Variants in MTM1 observed in about 807,000 individuals in gnomAD.
The protein encoded by MTM1 is myotubularin.
In MTM1, 9 loss-of-function variants were observed where a neutral mutation model predicts 52.1. That is an observed-to-expected ratio of 0.17 (90% CI 0.10 to 0.30). The LOEUF (loss-of-function observed/expected upper bound fraction) is 0.30. MTM1 is among the 10% of genes least tolerant of loss of function. MTM1 has a pLI of 1.00. For missense variants in MTM1, 277 were observed against 470.7 expected, an observed-to-expected ratio of 0.59 and a Z score of 3.81; for synonymous variants, 136 against 163.8, an observed-to-expected ratio of 0.83 and a Z score of 1.29.
intron 6 of MTM1, among the ~76,000 whole-genome samples, chrX:150,620,841 G>T (rs1391305816): frequency 9.0e-6 from 1 of 111,258 alleles, no homozygotes; most frequent in Non-Finnish European, 1.9e-5. Flanking sequence ...AGCTCATCTG[G>T]CGCAGTGGCT....
chrX:150,669,988 G>C (rs1466358985), intron 14 of MTM1, among the ~76,000 whole-genome samples: 1 of 111,804 alleles, frequency 8.9e-6, no homozygotes, highest in African/African-American at 3.3e-5. Context: ...TTTTCTTCTA[G>C]GGTTTTCATG....
At chrX:150,653,199 A>G (rs1237188531) in intron 10 of MTM1, among the ~76,000 whole-genome samples, 1 of 111,616 alleles carries the variant, frequency 9.0e-6, no homozygotes, top group Non-Finnish European at 1.9e-5. Flanking sequence ...CATCATAGCA[A>G]TTCAGACAGT....
At chrX:150,625,127 A>G (rs2039545535) in intron 6 of MTM1, among the ~76,000 whole-genome samples, 1 of 111,568 alleles carries the variant, frequency 9.0e-6, no homozygotes, top group Admixed American at 9.5e-5. Flanking sequence ...CCAGTGGTCT[A>G]TGTCTGAATC....
chrX:150,588,865 A>G (rs1251106456), intron 1 of MTM1, among the ~76,000 whole-genome samples: 7 of 111,847 alleles, frequency 6.3e-5, no homozygotes, highest in Non-Finnish European at 1.3e-4. Flanking sequence ...TTGTCGTACC[A>G]TTTCAAACAT....
In MTM1 at chrX:150,614,458, A is replaced by AT. The variant is rs782737310; in HGVS notation, c.232-126dup. 16 of 489,980 alleles carry AT rather than the reference A, an allele frequency of 3.3e-5. No individual in the cohort carries two copies. In the South Asian group the frequency reaches 4.1e-4, roughly 13 times the overall value. The allele number at this position is 489,980 out of a possible 1,213,427, so 40.4% of individuals were successfully genotyped here. On this transcript the variant is annotated intron_variant, in intron 4 of 14. Transcript: ENST00000370396. Reference sequence around the variant, plus strand: ...CTCTGTCATGTGTGATCTGTATCATATTTTTGTTCATAAAGTGCTAAAAGG... The same window carrying AT: ...CTCTGTCATGTGTGATCTGTATCATATTTTTTGTTCATAAAGTGCTAAAAGG...
At chrX:150,649,621 G>T (rs1026004692) in intron 9 of MTM1, 95 bp from the exon 10 acceptor site, 2 of 779,074 alleles carry the variant, frequency 2.6e-6, no homozygotes, top group Admixed American at 4.5e-5. Flanking sequence ...GAGGGTTTGG[G>T]GTTATTTGGA....
At chrX:150,624,712 C>T (rs1311165695) in intron 6 of MTM1, among the ~76,000 whole-genome samples, 3 of 111,704 alleles carry the variant, frequency 2.7e-5, no homozygotes, top group Non-Finnish European at 5.6e-5. Flanking sequence ...AGTGTGGCTA[C>T]GTGAAACATT....
intron 1 of MTM1, among the ~76,000 whole-genome samples, chrX:150,579,459 T>C (rs2038540980): frequency 8.9e-6 from 1 of 111,934 alleles, no homozygotes; most frequent in Non-Finnish European, 1.9e-5. Flanking sequence ...AGTGTTTCCC[T>C]AAGTATTTCA....
intron 6 of MTM1, among the ~76,000 whole-genome samples, chrX:150,627,612 A>G (rs182166457): frequency 8.9e-6 from 1 of 112,005 alleles, no homozygotes; most frequent in East Asian, 2.8e-4. Context: ...AATTTATAAT[A>G]TGCATCTGAT....
chrX:150,583,824 A>G (rs1396022022), intron 1 of MTM1, among the ~76,000 whole-genome samples: 1 of 52,342 alleles, frequency 1.9e-5, no homozygotes. Context: ...TATTAAATAT[A>G]CAAAATATAT....
intron 8 of MTM1, among the ~76,000 whole-genome samples, chrX:150,644,388 G>A (rs1432649249): frequency 9.0e-6 from 1 of 111,167 alleles, no homozygotes; most frequent in African/African-American, 3.3e-5. Context: ...TTATTAGGCA[G>A]GGGCTACAAT....
chrX:150,657,982 A>G lies in MTM1; in HGVS notation c.1215A>G (p.Ile405Met), dbSNP rs1395119615. The G allele has an allele frequency of 1.7e-6, 2 of 1,209,601 alleles. No individual in the cohort carries two copies. Among genetic ancestry groups the G allele is most frequent in the Non-Finnish European group, 2.2e-6 (2 of 894,796 alleles). The change falls in exon 11 of 15, where the codon ATA becomes ATG. Residue 405 changes from isoleucine (I) to methionine (M), a missense_variant. Transcript: ENST00000370396. ...ATAGGAGCATTGAAGGGTTCGAAATACTGGTACAAAAAGAATGGATAAGTT... is the reference window on the plus strand; with the variant it reads ...ATAGGAGCATTGAAGGGTTCGAAATGCTGGTACAAAAAGAATGGATAAGTT... ...SFYRSIEGFEILVQKEWISFG... is the reference protein window; with the variant it reads ...SFYRSIEGFEMLVQKEWISFG...
At chrX:150,576,150 A>G (rs2038468357) in intron 1 of MTM1, among the ~76,000 whole-genome samples, 1 of 111,998 alleles carries the variant, frequency 8.9e-6, no homozygotes, top group South Asian at 3.7e-4. Flanking sequence ...TTATATACAT[A>G]AGATTTGGTA....
chrX:150,641,069 A>G (rs979648383), intron 7 of MTM1, among the ~76,000 whole-genome samples, 200 bp from the exon 8 acceptor site: 3 of 111,897 alleles, frequency 2.7e-5, no homozygotes, highest in Non-Finnish European at 5.6e-5. Context: ...AGAACTGTAA[A>G]AACCACCAGT....
At chrX:150,669,328 T>G (rs1333498050) in intron 14 of MTM1, among the ~76,000 whole-genome samples, 1 of 112,389 alleles carries the variant, frequency 8.9e-6, no homozygotes, top group African/African-American at 3.2e-5. Flanking sequence ...TAAATAGTGC[T>G]GCAGTAAACA....
At chrX:150,613,318 A>G (rs1557413056) in intron 4 of MTM1, among the ~76,000 whole-genome samples, 2 of 111,895 alleles carry the variant, frequency 1.8e-5, no homozygotes, top group Non-Finnish European at 3.8e-5. Flanking sequence ...TTGTCCCTGT[A>G]AATAGATATT....
chrX:150,614,926 A>G (rs1557413103), intron 5 of MTM1, among the ~76,000 whole-genome samples: 1 of 111,587 alleles, frequency 9.0e-6, no homozygotes, highest in Non-Finnish European at 1.9e-5. Context: ...GGAACTGGTC[A>G]GTTTGTTAGC....
At chrX:150,590,074 C>G (rs954682991) in intron 1 of MTM1, among the ~76,000 whole-genome samples, 5 of 111,829 alleles carry the variant, frequency 4.5e-5, no homozygotes, top group Non-Finnish European at 9.4e-5. Context: ...ATAACCTACT[C>G]AAGGTCAAAT....
chrX:150,658,602 A>AC (rs1194318140), intron 11 of MTM1, among the ~76,000 whole-genome samples: 1 of 110,624 alleles, frequency 9.0e-6, no homozygotes, highest in African/African-American at 3.3e-5. Flanking sequence ...TTTTAAAATA[A>AC]CCCCCCCAAG....
Sources: gnomAD v4.1 joint callset for allele counts (sites outside exome capture counted in the v4.1 genomes callset) on GRCh38, gnomAD v4.1.1 for gene constraint, MANE v1.5 for transcripts, NCBI Gene and HGNC (gene_info 2026-07-23, HGNC 2026-07-21) for gene names.